ATRX: variants seen among roughly 807,000 people sequenced by gnomAD.
The protein encoded by ATRX is ATRX chromatin remodeler, also known as chromatin remodeler ATRX.
ATRX carries 12 observed loss-of-function variants against 172.6 expected under a neutral mutation model. The observed-to-expected ratio is 0.07, with a 90% CI of 0.04 to 0.11. The LOEUF is 0.11. ATRX is among the 10% of genes least tolerant of loss of function. ATRX has a pLI of 1.00. For synonymous variants in ATRX, 674 were observed against 594.7 expected (o/e 1.13, Z -1.94); for missense variants, 1,368 against 1,767.4 (o/e 0.77, Z 4.05).
At chrX:77,572,406 G>C (rs1193908414) in intron 28 of ATRX, among the ~76,000 whole-genome samples, 1 of 111,090 alleles carries the variant, frequency 9.0e-6, no homozygotes, top group Non-Finnish European at 1.9e-5. Context: ...CGGGTCCCTA[G>C]CACCCCCAAG....
intron 19 of ATRX, among the ~76,000 whole-genome samples, chrX:77,623,986 C>T (rs1046380930): frequency 1.8e-5 from 2 of 111,559 alleles, no homozygotes; most frequent in African/African-American, 3.3e-5. Flanking sequence ...CCTCTGAGAA[C>T]GGAAAGAAGA....
intron 34 of ATRX, among the ~76,000 whole-genome samples, chrX:77,517,093 A>G (rs1164408821): frequency 9.0e-6 from 1 of 110,768 alleles, no homozygotes; most frequent in Non-Finnish European, 1.9e-5. Flanking sequence ...TACTAAGAGG[A>G]AAGTTTACAG....
At chrX:77,589,997 C>A (rs2148092095) in intron 26 of ATRX, 57 bp from the exon 27 acceptor site, 1 of 955,223 alleles carries the variant, frequency 1.0e-6, no homozygotes, top group Non-Finnish European at 1.5e-6. Flanking sequence ...GATATCACTT[C>A]TTCCTAAATC....
Position 77,673,459 on chromosome X carries a change from ATATGAT to A in ATRX, c.3809+2761_3809+2766del, listed in dbSNP as rs1311921310. ...TTTTCAGTTATATAAAATTCAAAAT[ATATGAT>A]TAGTCTACTTTTTTTTATAAAAAGC... On this transcript the variant is annotated intron_variant, in intron 10 of 34. Transcript: ENST00000373344. Among the ~76,000 whole-genome samples the A allele has an allele frequency of 9.0e-5, 10 of 111,615 alleles. No individual in the cohort carries two copies. The East Asian group carries it at 2.5e-3, about 28-fold the overall frequency.
intron 10 of ATRX, among the ~76,000 whole-genome samples, chrX:77,671,637 A>C (rs989912490): frequency 1.1e-4 from 12 of 111,081 alleles, no homozygotes; most frequent in African/African-American, 3.9e-4. Flanking sequence ...GAAAAATGAA[A>C]ACACAGAATT....
At position 77,738,590 on chromosome X, in the gene ATRX, G is replaced by A. The variant is rs570939984; in HGVS notation, c.21-21347C>T. Among the ~76,000 whole-genome samples, 3 of 94,957 alleles carry A rather than the reference G, an allele frequency of 3.2e-5. No homozygotes were observed. The South Asian group carries it at 1.6e-3, about 51-fold the overall frequency. The allele number at this position is 94,957 out of a possible 115,157, so 82.5% of individuals were successfully genotyped here. On this transcript the variant is annotated intron_variant, in intron 1 of 34. Transcript: ENST00000373344. The stretch of plus-strand genomic sequence containing the variant: ...TTTTTTTTTTTTTTTTGGAGACAGG[G>A]TCTTACTCTGTCACCCATGCTGGAG...
At position 77,682,700 on chromosome X, in the gene ATRX, A is replaced by G. The variant is rs1557139372; in HGVS notation, c.2556T>C (p.Asp852=). The G allele has an allele frequency of 8.3e-7, 1 of 1,209,322 alleles. No homozygotes were observed. Among genetic ancestry groups the G allele is most frequent in the South Asian group, 1.8e-5 (1 of 56,948 alleles). ...CCATTCCTTTTTTGCTGTGTTTCTC[A>G]TCTTCAGAAGAGTCAAAATCTTTTG... The part of the protein sequence containing the change: ...PNTKDFDSSE[D]EKHSKKGMDN... Residue 852 remains aspartate, a synonymous_variant, in exon 9 of 35, where the codon GAT becomes GAC. Coordinates refer to ENST00000373344, the MANE Select transcript of ATRX (RefSeq NM_000489.6).
At chrX:77,613,929 G>A (rs1426356702) in intron 22 of ATRX, among the ~76,000 whole-genome samples, 2 of 111,075 alleles carry the variant, frequency 1.8e-5, no homozygotes, top group African/African-American at 6.5e-5. Flanking sequence ...ATAAACTTCT[G>A]ATACCTGACA....
At chrX:77,670,064 G>A (rs1397366498) in intron 10 of ATRX, among the ~76,000 whole-genome samples, 4 of 111,657 alleles carry the variant, frequency 3.6e-5, no homozygotes, top group Non-Finnish European at 5.6e-5. Flanking sequence ...TAAAATGCAC[G>A]ATAGGTCATC....
In ATRX at chrX:77,786,214, G is replaced by A. The variant is rs2076742950; in HGVS notation, c.-213C>T. ...GCTGCCGCCGCCATTTTGTTGGGCC[G>A]AGGCTCAGGCAGGAGAATTGGCGCG... On this transcript the variant is annotated 5_prime_UTR_variant, in exon 1 of 35. Transcript: ENST00000373344. 2 of 426,589 alleles carry A rather than the reference G, an allele frequency of 4.7e-6. No homozygotes were observed. Among genetic ancestry groups the A allele is most frequent in the East Asian group, 8.0e-5 (2 of 25,037 alleles). 35.2% of individuals were successfully genotyped at this position (426,589 alleles called of 1,213,427 possible). A position where few individuals can be genotyped will look rare whatever the true frequency, so the allele number is the denominator to read the frequency against.
At chrX:77,652,478 T>C in intron 14 of ATRX, 125 bp from the exon 15 acceptor site, 1 of 815,073 alleles carries the variant, frequency 1.2e-6, no homozygotes, top group South Asian at 2.6e-5. Context: ...TAGAATTATA[T>C]TCAGCAATAG....
intron 1 of ATRX, among the ~76,000 whole-genome samples, chrX:77,772,833 T>C (rs1353875741): frequency 9.2e-6 from 1 of 108,500 alleles, no homozygotes; most frequent in Non-Finnish European, 1.9e-5. Context: ...TTGTGGTATG[T>C]GTATTTCACC....
chrX:77,695,994 A>G (rs1208570881), intron 5 of ATRX, among the ~76,000 whole-genome samples: 1 of 112,032 alleles, frequency 8.9e-6, no homozygotes, highest in Non-Finnish European at 1.9e-5. Context: ...GAAGAGTCCA[A>G]GATATTCATT....
At chrX:77,773,929 A>C (rs1243524444) in intron 1 of ATRX, among the ~76,000 whole-genome samples, 1 of 111,608 alleles carries the variant, frequency 9.0e-6, no homozygotes, top group African/African-American at 3.3e-5. Context: ...GTTCTTTTAA[A>C]AATGGAGAAG....
At chrX:77,650,661 T>G (rs1256499145) in intron 15 of ATRX, among the ~76,000 whole-genome samples, 1 of 110,843 alleles carries the variant, frequency 9.0e-6, no homozygotes, top group Non-Finnish European at 1.9e-5. Context: ...CCTGGCTCAC[T>G]GCAAGCTCTG....
intron 28 of ATRX, among the ~76,000 whole-genome samples, chrX:77,561,152 A>G (rs1341985413): frequency 9.0e-6 from 1 of 111,119 alleles, no homozygotes; most frequent in Admixed American, 9.6e-5. Flanking sequence ...AAACTGTAGC[A>G]TCTTTCATTA....
intron 1 of ATRX, among the ~76,000 whole-genome samples, chrX:77,782,060 G>A (rs782377492): frequency 8.9e-6 from 1 of 111,747 alleles, no homozygotes; most frequent in African/African-American, 3.2e-5. Context: ...ATAAAACTGG[G>A]CCTGATAAAA....
intron 30 of ATRX, among the ~76,000 whole-genome samples, chrX:77,552,561 T>C (rs1246410219): frequency 9.1e-6 from 1 of 109,905 alleles, no homozygotes; most frequent in Admixed American, 9.7e-5. Flanking sequence ...CGTATACATA[T>C]GTAACAAACC....
chrX:77,541,753 G>A (rs1336798870), intron 30 of ATRX, among the ~76,000 whole-genome samples: 2 of 111,564 alleles, frequency 1.8e-5, no homozygotes, highest in African/African-American at 3.3e-5. Context: ...AAAGACCTTC[G>A]ACAAAAGTCA....
Sources: gnomAD v4.1 joint callset for allele counts (sites outside exome capture counted in the v4.1 genomes callset) on GRCh38, gnomAD v4.1.1 for gene constraint, MANE v1.5 for transcripts, NCBI Gene and HGNC (gene_info 2026-07-23, HGNC 2026-07-21) for gene names.